The following FAAH2 variants were observed in gnomAD, a reference collection of about 807,000 sequenced individuals.
FAAH2 encodes fatty-acid amide hydrolase 2.
FAAH2 carries 60 observed loss-of-function variants against 36.9 expected under a neutral mutation model. The ratio of observed to expected loss-of-function variants is 1.63; its 90% CI spans 1.32 to 2.02. FAAH2 has a LOEUF of 2.02. Ranked by LOEUF, FAAH2 falls within the 30% of genes most tolerant of loss-of-function variation. FAAH2 has a pLI of 0.00. For missense variants in FAAH2, 689 were observed against 397.5 expected, an observed-to-expected ratio of 1.73 and a Z score of -6.23; for synonymous variants, 214 against 143.8, an observed-to-expected ratio of 1.49 and a Z score of -3.49.
At chrX:57,339,762 AG>A (rs761737885) in intron 4 of FAAH2, among the ~76,000 whole-genome samples, 41 of 112,228 alleles carry the variant, frequency 3.7e-4, no homozygotes, top group African/African-American at 1.3e-3. Flanking sequence ...GATGCTAGCT[AG>A]CTTGCAGAGA....
At chrX:57,385,312 A>G (rs887657011) in intron 7 of FAAH2, among the ~76,000 whole-genome samples, 1 of 110,481 alleles carries the variant, frequency 9.1e-6, no homozygotes, top group African/African-American at 3.3e-5. Flanking sequence ...TAAAACTAGA[A>G]GAAACTTGAT....
chrX:57,448,418 A>G, intron 9 of FAAH2, 106 bp from the exon 10 acceptor site: 1 of 736,384 alleles, frequency 1.4e-6, no homozygotes, highest in Admixed American at 4.0e-5. Flanking sequence ...TTACTTTCTC[A>G]GTGTTCTATA....
At position 57,478,128 on chromosome X, in the gene FAAH2, C is replaced by A. The variant is rs964590776; in HGVS notation, c.1424-10629C>A. Among the ~76,000 whole-genome samples, 10 of 111,924 alleles carry A rather than the reference C, an allele frequency of 8.9e-5. 1 individual carries two copies. The highest frequency in any genetic ancestry group is 8.4e-3 in the Middle Eastern group (2 of 239). ...CAACAGTGTGAAAGTGTTCCTATTT[C>A]CCCACATCCTCTCCAGCACCTGTTG... On this transcript the variant is annotated intron_variant, in intron 10 of 10. Transcript: ENST00000374900.
chrX:57,328,004 C>T (rs2053269941), intron 3 of FAAH2, among the ~76,000 whole-genome samples: 2 of 111,583 alleles, frequency 1.8e-5, no homozygotes, highest in South Asian at 3.8e-4. Flanking sequence ...ATGTGATGTA[C>T]AGATGGGTTT....
the FAAH2 span, among the ~76,000 whole-genome samples, chrX:57,185,495 T>TGG: frequency 9.9e-6 from 1 of 100,562 alleles, no homozygotes; most frequent in Non-Finnish European, 1.9e-5. Context: ...TCTCTGTGTG[T>TGG]GTGTGTGTGT....
intron 8 of FAAH2, among the ~76,000 whole-genome samples, chrX:57,443,227 C>A (rs1319428614): frequency 1.8e-5 from 2 of 112,088 alleles, no homozygotes; most frequent in East Asian, 5.6e-4. Flanking sequence ...ATTCCATTCT[C>A]ACCGTCACTT....
intron 10 of FAAH2, among the ~76,000 whole-genome samples, chrX:57,478,354 A>T (rs1170791506): frequency 9.1e-6 from 1 of 110,331 alleles, no homozygotes; most frequent in African/African-American, 3.3e-5. Context: ...TTTTCTTGTA[A>T]ATTTGTTTGA....
the FAAH2 span, among the ~76,000 whole-genome samples, chrX:57,154,433 T>G: frequency 3.6e-4 from 39 of 108,168 alleles, no homozygotes; most frequent in Non-Finnish European, 7.1e-4. Flanking sequence ...CTGGCGATTT[T>G]TTTTTTTTAT....
intron 8 of FAAH2, among the ~76,000 whole-genome samples, chrX:57,443,779 C>G (rs1424077803): frequency 8.9e-6 from 1 of 111,911 alleles, no homozygotes; most frequent in South Asian, 3.7e-4. Flanking sequence ...TGGTGACGTA[C>G]AGATGGGGTT....
chrX:57,257,023 C>A, the FAAH2 span, among the ~76,000 whole-genome samples: 2 of 111,936 alleles, frequency 1.8e-5, no homozygotes, highest in African/African-American at 6.5e-5. Context: ...GAATGGCAAC[C>A]ATTAAAAAGT....
At chrX:57,399,440 A>T in intron 7 of FAAH2, among the ~76,000 whole-genome samples, 1 of 111,990 alleles carries the variant, frequency 8.9e-6, no homozygotes, top group African/African-American at 3.2e-5. Context: ...TGAGGGGAGG[A>T]AACTATGTCC....
chrX:57,338,799 G>A (rs1311002598), intron 4 of FAAH2, among the ~76,000 whole-genome samples: 3 of 111,656 alleles, frequency 2.7e-5, no homozygotes, highest in African/African-American at 9.8e-5. Context: ...CTCATGGATA[G>A]GAAGAATCAT....
the FAAH2 span, among the ~76,000 whole-genome samples, chrX:57,152,368 G>T: frequency 2.4e-4 from 27 of 112,631 alleles, no homozygotes; most frequent in African/African-American, 8.7e-4. Flanking sequence ...GCCCCCAGAG[G>T]TGGAGCCTAC....
At chrX:57,359,318 A>C (rs992163151) in intron 5 of FAAH2, among the ~76,000 whole-genome samples, 1 of 111,206 alleles carries the variant, frequency 9.0e-6, no homozygotes, top group African/African-American at 3.3e-5. Context: ...CCATATGTTT[A>C]GGTATGTTGT....
intron 7 of FAAH2, among the ~76,000 whole-genome samples, chrX:57,421,484 G>A (rs1237956514): frequency 1.8e-5 from 2 of 111,189 alleles, no homozygotes; most frequent in Non-Finnish European, 3.8e-5. Context: ...CTGATATCAC[G>A]GTGCCAGTAT....
chrX:57,398,257 C>A (rs2055352099), intron 7 of FAAH2, among the ~76,000 whole-genome samples: 1 of 111,856 alleles, frequency 8.9e-6, no homozygotes, highest in African/African-American at 3.3e-5. Context: ...ACCCAAATGC[C>A]CATCAATGGA....
chrX:57,180,045 G>A, the FAAH2 span, among the ~76,000 whole-genome samples: 12 of 111,905 alleles, frequency 1.1e-4, no homozygotes, highest in East Asian at 2.3e-3. Flanking sequence ...TAGGCAGGTC[G>A]CAAGAAGTTC....
chrX:57,168,822 T>A, the FAAH2 span, among the ~76,000 whole-genome samples: 2 of 112,315 alleles, frequency 1.8e-5, no homozygotes, highest in Admixed American at 9.5e-5. Flanking sequence ...ATATTTTAAA[T>A]TTGTAAATAC....
chrX:57,360,773 T>C (rs1019534614), intron 5 of FAAH2, among the ~76,000 whole-genome samples: 6 of 111,216 alleles, frequency 5.4e-5, no homozygotes, highest in African/African-American at 1.6e-4. Context: ...ACCCGTCATC[T>C]AGGTTTTGAG....
Sources: allele counts gnomAD v4.1 joint callset (sites outside exome capture counted in the v4.1 genomes callset), GRCh38; gene constraint gnomAD v4.1.1; transcripts MANE v1.5; gene names NCBI Gene and HGNC (gene_info 2026-07-23, HGNC 2026-07-21).